The following ZDHHC15 variants were observed in gnomAD, a reference collection of about 807,000 sequenced individuals.
ZDHHC15 encodes the protein zDHHC palmitoyltransferase 15, also known as palmitoyltransferase ZDHHC15.
A neutral mutation model predicts 31.7 loss-of-function variants in ZDHHC15; 19 were observed. The observed-to-expected ratio is 0.60, with a 90% CI of 0.42 to 0.88. The LOEUF (loss-of-function observed/expected upper bound fraction) is 0.88. Among genes scored for constraint, ZDHHC15 ranks in the 40% least tolerant of loss-of-function variants. ZDHHC15 has a pLI of 0.00. For missense variants in ZDHHC15, 209 were observed against 251.2 expected (o/e 0.83, Z 1.14); for synonymous variants, 103 against 90.0 (o/e 1.14, Z -0.82).
At chrX:75,490,933 C>T (rs1292352791) in intron 2 of ZDHHC15, among the ~76,000 whole-genome samples, 2 of 111,865 alleles carry the variant, frequency 1.8e-5, no homozygotes, top group African/African-American at 6.5e-5. Context: ...GAGATACCAT[C>T]TCACACCAGT....
intron 9 of ZDHHC15, 69 bp from the exon 10 acceptor site, chrX:75,417,259 T>A: frequency 1.3e-6 from 1 of 769,794 alleles, no homozygotes; most frequent in African/African-American, 2.1e-5. Context: ...ATAATCCTCT[T>A]AAAAACAAGA....
chrX:75,445,571 T>G (rs897126449), intron 4 of ZDHHC15, among the ~76,000 whole-genome samples: 1 of 112,215 alleles, frequency 8.9e-6, no homozygotes, highest in East Asian at 2.8e-4. Context: ...ACCTGAAAGC[T>G]TCTATGTATC....
chrX:75,515,393 G>C (rs1399846763), intron 1 of ZDHHC15, among the ~76,000 whole-genome samples: 1 of 111,433 alleles, frequency 9.0e-6, no homozygotes, highest in African/African-American at 3.3e-5. Context: ...CCAAGATCCA[G>C]TTGGCTTCAT....
intron 4 of ZDHHC15, among the ~76,000 whole-genome samples, chrX:75,440,921 T>A (rs1429388108): frequency 9.0e-6 from 1 of 111,440 alleles, no homozygotes; most frequent in Non-Finnish European, 1.9e-5. Context: ...TATGGCTGCC[T>A]CTGCTACATC....
rs1290652188 is a variant in ZDHHC15 at position 75,517,622 on chromosome X, G to C, written c.136+5267C>G. Among the ~76,000 whole-genome samples, 6 of 106,066 alleles carry C rather than the reference G, an allele frequency of 5.7e-5. 1 individual carries two copies. The highest frequency in any genetic ancestry group is 1.2e-4 in the Non-Finnish European group (6 of 51,582). 92.1% of individuals were successfully genotyped at this position (106,066 alleles called of 115,157 possible). A position where few individuals can be genotyped will look rare whatever the true frequency, so the allele number is the denominator to read the frequency against. On this transcript the variant is annotated intron_variant, in intron 1 of 11. Transcript: ENST00000373367. ...GGAGGGGGGAGGGATAGCATTAGGA[G>C]AAATACCTAAGGTTAAATGAGGAGT...
chrX:75,484,380 T>C (rs2084744098), intron 2 of ZDHHC15, among the ~76,000 whole-genome samples: 2 of 111,166 alleles, frequency 1.8e-5, no homozygotes, highest in African/African-American at 6.5e-5. Context: ...GACAACTCAA[T>C]AAAAAAAGGA....
At chrX:75,486,567 C>A (rs899580105) in intron 2 of ZDHHC15, among the ~76,000 whole-genome samples, 1 of 112,330 alleles carries the variant, frequency 8.9e-6, no homozygotes, top group African/African-American at 3.2e-5. Flanking sequence ...TGCTTTCTCA[C>A]TGGGGAGGCT....
At chrX:75,504,787 C>T (rs2085133782) in intron 2 of ZDHHC15, among the ~76,000 whole-genome samples, 1 of 111,360 alleles carries the variant, frequency 9.0e-6, no homozygotes, top group African/African-American at 3.3e-5. Flanking sequence ...CCTTAAGGGT[C>T]ATGCATACGA....
rs928330104 is a variant in ZDHHC15, at chrX:75,448,602, AACTC to A, written c.379+2196_379+2199del. On this transcript the variant is annotated intron_variant, in intron 4 of 11. Coordinates refer to ENST00000373367, the MANE Select transcript of ZDHHC15 (RefSeq NM_144969.3). ...TAACAAAATAGCAAGGAGAAAAGTA[AACTC>A]ACTCAAGAATACCTATTCTTCTGTG... 2.7e-5 allele frequency among the ~76,000 whole-genome samples: 3 copies of A among 111,866 alleles called. No homozygotes were observed. In the Admixed American group the frequency reaches 2.9e-4, roughly 11 times the overall value.
At chrX:75,374,693 A>G (rs868612140) in intron 11 of ZDHHC15, among the ~76,000 whole-genome samples, 7 of 101,354 alleles carry the variant, frequency 6.9e-5, no homozygotes, top group Admixed American at 1.1e-4. Flanking sequence ...GTGTGTATAT[A>G]TATATAATAT....
chrX:75,478,915 T>A lies in ZDHHC15; in HGVS notation c.234A>T (p.Thr78=). 8.3e-7 allele frequency: 1 copy of A among 1,205,407 alleles called. No homozygotes were observed. Among genetic ancestry groups the A allele is most frequent in the Middle Eastern group, 2.3e-4 (1 of 4,313 alleles). Residue 78 remains threonine, a synonymous_variant, in exon 3 of 12, where the codon ACA becomes ACT. Transcript: ENST00000373367. ...FTWTYWKSIF[T]LPQQPNQKFH... is the part of the protein sequence containing the mutation. ...CCTTCTGGTTTGGCTGCTGTGGGAGTGTAAAGATAGACTTCCAGTAGGTCC... is the reference window on the plus strand; with the variant it reads ...CCTTCTGGTTTGGCTGCTGTGGGAGAGTAAAGATAGACTTCCAGTAGGTCC...
intron 3 of ZDHHC15, among the ~76,000 whole-genome samples, chrX:75,462,278 G>T (rs2084329224): frequency 8.9e-6 from 1 of 111,980 alleles, no homozygotes; most frequent in Non-Finnish European, 1.9e-5. Context: ...CATAATGCAA[G>T]TTCTTAGAGA....
chrX:75,441,394 G>A (rs1029234096), intron 4 of ZDHHC15, among the ~76,000 whole-genome samples: 1 of 110,729 alleles, frequency 9.0e-6, no homozygotes, highest in Non-Finnish European at 1.9e-5. Flanking sequence ...TATTTCTCTC[G>A]GCTCTCCAAA....
intron 4 of ZDHHC15, among the ~76,000 whole-genome samples, chrX:75,444,673 TATATATATATATATACACAC>T (rs2084004440): frequency 4.5e-5 from 2 of 44,071 alleles, no homozygotes; most frequent in African/African-American, 1.2e-4. Flanking sequence ...TATATATATA[TATATATATATATATACACAC>T]ACACACACAC....
At chrX:75,377,407 A>C (rs1262592062) in intron 11 of ZDHHC15, among the ~76,000 whole-genome samples, 1 of 109,786 alleles carries the variant, frequency 9.1e-6, no homozygotes, top group African/African-American at 3.3e-5. Flanking sequence ...GAGGCAGAAG[A>C]ATCACTTGAA....
intron 2 of ZDHHC15, chrX:75,501,706 G>A (rs897171897): frequency 9.0e-5 from 10 of 110,601 alleles, no homozygotes; most frequent in African/African-American, 3.3e-4. Context: ...GAGTGATATT[G>A]AGCTTTTATT....
intron 2 of ZDHHC15, among the ~76,000 whole-genome samples, chrX:75,492,473 T>A (rs930674924): frequency 9.0e-6 from 1 of 111,508 alleles, no homozygotes; most frequent in African/African-American, 3.3e-5. Flanking sequence ...GTCAACAGAA[T>A]ATACGTTCTT....
intron 3 of ZDHHC15, among the ~76,000 whole-genome samples, chrX:75,465,685 C>T (rs920276626): frequency 9.0e-6 from 1 of 111,464 alleles, no homozygotes; most frequent in Non-Finnish European, 1.9e-5. Context: ...CTGACAAAAA[C>T]TAGCAATGGG....
intron 2 of ZDHHC15, among the ~76,000 whole-genome samples, chrX:75,496,719 A>C (rs1441293497): frequency 2.7e-5 from 3 of 111,844 alleles, no homozygotes; most frequent in Non-Finnish European, 5.6e-5. Flanking sequence ...AAAACTATAC[A>C]CATACATGGA....
Sources: allele counts gnomAD v4.1 joint callset (sites outside exome capture counted in the v4.1 genomes callset), GRCh38; gene constraint gnomAD v4.1.1; transcripts MANE v1.5; gene names NCBI Gene and HGNC (gene_info 2026-07-23, HGNC 2026-07-21).